PLCL1: variants seen among roughly 807,000 people sequenced by gnomAD.
The protein encoded by PLCL1 is phospholipase C like 1 (inactive).
A neutral mutation model predicts 84.4 loss-of-function variants in PLCL1; 41 were observed. The ratio of observed to expected loss-of-function variants is 0.49; its 90% CI spans 0.38 to 0.63. PLCL1 has a LOEUF of 0.63. Among genes scored for constraint, PLCL1 ranks in the 30% least tolerant of loss-of-function variants. The pLI, the probability that PLCL1 is intolerant of heterozygous loss-of-function variation, is 0.00. For synonymous variants in PLCL1, 490 were observed against 488.3 expected (o/e 1.00, Z -0.05); for missense variants, 1,206 against 1,367.8 (o/e 0.88, Z 1.87).
In PLCL1 at chr2:198,085,702, A is replaced by C; in HGVS notation, c.2185A>C (p.Ser729Arg). ...TCTAGCTCTTCATATCAAGATCATC[A>C]GTGGTCAGAATTTCCCAAAGCCCAA... ...SPLALHIKII[S>R]GQNFPKPKGA... The change falls in exon 2 of 6, where the codon AGT (serine) becomes CGT (arginine). Residue 729 changes from serine (S) to arginine (R), a missense_variant. Coordinates refer to ENST00000428675, the MANE Select transcript of PLCL1 (RefSeq NM_006226.4). This position sits in a 1 kb window ranked among gnomAD's most constrained non-coding sequence, Gnocchi z 5.3. 1.2e-6 allele frequency: 2 copies of C among 1,614,132 alleles called. No individual in the cohort carries two copies. The highest frequency in any genetic ancestry group is 1.7e-6 in the Non-Finnish European group (2 of 1,180,006).
intron 3 of PLCL1, among the ~76,000 whole-genome samples, chr2:198,091,306 G>T (rs1204219175): frequency 2.6e-5 from 4 of 152,110 alleles, no homozygotes; most frequent in African/African-American, 9.7e-5. Context: ...GTATTGGTTG[G>T]CATCTTTAAT....
intron 1 of PLCL1, among the ~76,000 whole-genome samples, chr2:197,924,045 G>A (rs1382971603): frequency 6.6e-6 from 1 of 151,252 alleles, no homozygotes; most frequent in Non-Finnish European, 1.5e-5. Flanking sequence ...CACTCGGCAG[G>A]CTGAGGCAGG....
intron 1 of PLCL1, among the ~76,000 whole-genome samples, chr2:197,997,167 C>T (rs996407893): frequency 6.6e-6 from 1 of 152,236 alleles, no homozygotes; most frequent in Non-Finnish European, 1.5e-5. Context: ...TCTTCCTTCC[C>T]ATCTGTGCAC....
At chr2:197,958,371 G>A (rs76510735) in intron 1 of PLCL1, among the ~76,000 whole-genome samples, 27,151 of 151,106 alleles carry the variant, frequency 0.18, 2,491 homozygotes, top group East Asian at 0.26. Context: ...TAAAAAAAAA[G>A]AATCGCAAAA....
intron 4 of PLCL1, among the ~76,000 whole-genome samples, chr2:198,103,365 A>G (rs1005501429): frequency 6.6e-6 from 1 of 152,014 alleles, no homozygotes; most frequent in African/African-American, 2.4e-5. Context: ...CAAGCATGTA[A>G]TGTGTAACAA....
chr2:197,814,861 A>G (rs185120191), intron 1 of PLCL1, among the ~76,000 whole-genome samples: 8 of 152,314 alleles, frequency 5.3e-5, no homozygotes, highest in Non-Finnish European at 1.5e-5. Flanking sequence ...TCTAATTCAG[A>G]GCAAGATCCT....
At chr2:197,932,884 T>A (rs1309089771) in intron 1 of PLCL1, among the ~76,000 whole-genome samples, 1 of 151,986 alleles carries the variant, frequency 6.6e-6, no homozygotes, top group Non-Finnish European at 1.5e-5. Context: ...GAAAAAGAGA[T>A]CACCTGAAAC....
chr2:197,907,947 G>C (rs1169095096), intron 1 of PLCL1, among the ~76,000 whole-genome samples: 1 of 152,128 alleles, frequency 6.6e-6, no homozygotes, highest in African/African-American at 2.4e-5. Flanking sequence ...AGCAGCTAAG[G>C]TTGAGGGCCA....
At chr2:198,096,288 T>C (rs912735991) in intron 3 of PLCL1, among the ~76,000 whole-genome samples, 1 of 152,250 alleles carries the variant, frequency 6.6e-6, no homozygotes, top group African/African-American at 2.4e-5. Context: ...CAGTGACTTA[T>C]AACACACTTC....
intron 1 of PLCL1, among the ~76,000 whole-genome samples, chr2:197,981,495 A>G (rs746818738): frequency 3.3e-5 from 5 of 152,192 alleles, no homozygotes; most frequent in African/African-American, 7.2e-5. Context: ...CCTGATCTGT[A>G]TAGGTTATTT....
intron 1 of PLCL1, among the ~76,000 whole-genome samples, chr2:197,930,020 T>C (rs1688903370): frequency 1.3e-5 from 2 of 152,120 alleles, no homozygotes; most frequent in African/African-American, 4.8e-5. Flanking sequence ...TCCCATGGGG[T>C]GAATCTGCAT....
intron 5 of PLCL1, among the ~76,000 whole-genome samples, chr2:198,128,516 C>T (rs758114365): frequency 2.6e-4 from 39 of 152,064 alleles, no homozygotes; most frequent in Admixed American, 9.8e-4. Flanking sequence ...GCGTTACTGT[C>T]TTCTTGCGCT....
At chr2:198,076,291 C>G in intron 1 of PLCL1, among the ~76,000 whole-genome samples, 1 of 152,054 alleles carries the variant, frequency 6.6e-6, no homozygotes, top group East Asian at 1.9e-4. Flanking sequence ...ACTGGCTGCC[C>G]ATATTTTAAT....
intron 1 of PLCL1, among the ~76,000 whole-genome samples, chr2:198,055,521 G>GCT (rs35503807): frequency 0.63 from 90,386 of 144,614 alleles, 28,226 homozygotes; most frequent in Middle Eastern, 0.83. Flanking sequence ...CTTTTATTTT[G>GCT]TTTTTTTTTT....
intron 1 of PLCL1, among the ~76,000 whole-genome samples, chr2:197,876,296 G>A (rs1399171178): frequency 1.3e-5 from 2 of 152,136 alleles, no homozygotes; most frequent in South Asian, 2.1e-4. Context: ...CAGAAGAGGG[G>A]CTGGTAACGA....
At chr2:197,829,971 A>T (rs116052075) in intron 1 of PLCL1, among the ~76,000 whole-genome samples, 3 of 152,236 alleles carry the variant, frequency 2.0e-5, no homozygotes, top group Non-Finnish European at 2.9e-5. Flanking sequence ...GAAATCTAAC[A>T]GTCACAAAAT....
intron 1 of PLCL1, among the ~76,000 whole-genome samples, chr2:197,949,765 A>G (rs1313124604): frequency 6.6e-6 from 1 of 152,170 alleles, no homozygotes; most frequent in Non-Finnish European, 1.5e-5. Context: ...GAGATGTTCA[A>G]TGTTCAGTTG....
rs560887491 is a variant in PLCL1 at position 198,018,893 on chromosome 2, C to T, written c.241-64865C>T. Among the ~76,000 whole-genome samples, 14 of 152,338 alleles carry T rather than the reference C, an allele frequency of 9.2e-5. No individual in the cohort carries two copies. The South Asian group carries it at 1.2e-3, about 14-fold the overall frequency. On this transcript the variant is annotated intron_variant, in intron 1 of 5. Coordinates refer to ENST00000428675, the MANE Select transcript of PLCL1 (RefSeq NM_006226.4). ...TGCTCGAGCTCTGCTAAGGGACAGA[C>T]GGCCTCCTCAAATGGGTCCCTGACC...
At chr2:197,989,918 G>A (rs1002070555) in intron 1 of PLCL1, among the ~76,000 whole-genome samples, 1 of 152,116 alleles carries the variant, frequency 6.6e-6, no homozygotes, top group African/African-American at 2.4e-5. Context: ...GATACACAGA[G>A]ACTAATATAC....
Sources: gnomAD v4.1 joint callset for allele counts (sites outside exome capture counted in the v4.1 genomes callset) on GRCh38, gnomAD v4.1.1 for gene constraint, Gnocchi (gnomAD v3.1) non-coding constraint, MANE v1.5 for transcripts, NCBI Gene and HGNC (gene_info 2026-07-23, HGNC 2026-07-21) for gene names.